Variants in SMIM12 observed in about 807,000 individuals in gnomAD.
SMIM12 encodes the protein small integral membrane protein 12, also known as UPF0767 protein C1orf212.
A neutral mutation model predicts 6.3 loss-of-function variants in SMIM12; 5 were observed. That is an observed-to-expected ratio of 0.80 (90% CI 0.42 to 1.68). The LOEUF is 1.68. SMIM12 is among the 40% of genes most tolerant of loss of function. SMIM12 has a pLI of 0.02. For synonymous variants in SMIM12, 51 were observed against 48.0 expected (o/e 1.06, Z -0.26); for missense variants, 103 against 121.4 (o/e 0.85, Z 0.71).
chr1:34,855,785 C>T lies in SMIM12; in HGVS notation c.193G>A (p.Asp65Asn), dbSNP rs768043140. ...DRKLDELLGK[D>N]HTQVVSLKDK... ...TTAAGGCTCACCACCTGCGTGTGGT[C>T]CTTGCCTAGAAGCTCATCCAGCTTG... Residue 65 changes from aspartate (D) to asparagine (N), a missense_variant, in exon 2 of 2, where the codon GAC (aspartate) becomes AAC (asparagine). Transcript: ENST00000521580. 1.3e-6 allele frequency: 2 copies of T among 1,561,324 alleles called. No individual in the cohort carries two copies. Among genetic ancestry groups the T allele is most frequent in the Non-Finnish European group, 8.7e-7 (1 of 1,152,196 alleles).
Position 34,855,919 on chromosome 1 carries a change from A to G in SMIM12, c.59T>C (p.Val20Ala). 1.3e-6 allele frequency: 2 copies of G among 1,551,656 alleles called. No homozygotes were observed. Among genetic ancestry groups the G allele is most frequent in the Non-Finnish European group, 1.7e-6 (2 of 1,146,996 alleles). The change falls in exon 2 of 2, where the codon GTT becomes GCT. Residue 20 changes from valine to alanine, a missense_variant. Transcript: ENST00000521580. ...ACCCACAGCCCCGACCACGAAGGCA[A>G]CAGGGAATGTGACATAAGGAGCATA... ...RTYAPYVTFPVAFVVGAVGYH... is the reference protein window; with the variant it reads ...RTYAPYVTFPAAFVVGAVGYH...
Position 34,850,869 on chromosome 1 carries a change from G to A in SMIM12, c.*4830C>T, listed in dbSNP as rs1640914988. ...TCCCTCTGACTTTGCAGACTGCACT[G>A]ATGGAACTACCACTAAGGCAGGTGT... is the stretch of plus-strand genomic sequence containing the variant. On this transcript the variant is annotated 3_prime_UTR_variant, in exon 2 of 2. Coordinates refer to ENST00000521580, the MANE Select transcript of SMIM12 (RefSeq NM_138428.6). 6.6e-6 allele frequency: 1 copy of A among 152,242 alleles called. No homozygotes were observed. The highest frequency in any genetic ancestry group is 2.1e-4 in the South Asian group (1 of 4,832). The allele number at this position is 152,242 out of a possible 1,614,324, so 9.4% of individuals were successfully genotyped here.
Position 34,855,060 on chromosome 1 carries a change from C to A in SMIM12, c.*639G>T. 1 of 1,274,640 alleles carries A rather than the reference C, an allele frequency of 7.8e-7. No homozygotes were observed. The allele number at this position is 1,274,640 out of a possible 1,614,324, so 79.0% of individuals were successfully genotyped here. ...ATTCGATCATTATGGTTCTCAGATA[C>A]CACTTTAATCAGGTTTTTCACTATA... On this transcript the variant is annotated 3_prime_UTR_variant, in exon 2 of 2. Coordinates refer to ENST00000521580, the MANE Select transcript of SMIM12 (RefSeq NM_138428.6).
chr1:34,851,721 G>A lies in SMIM12; in HGVS notation c.*3978C>T, dbSNP rs1161482206. Among the ~76,000 whole-genome samples, 2 of 152,146 alleles carry A rather than the reference G, an allele frequency of 1.3e-5. No homozygotes were observed. Among genetic ancestry groups the A allele is most frequent in the African/African-American group, 2.4e-5 (1 of 41,430 alleles). ...GTGGAAAAGCACCAGACACTGAACC[G>A]CTGCAGGGAGAGAAGTGATTCCTGC... is the stretch of plus-strand genomic sequence containing the variant. On this transcript the variant is annotated 3_prime_UTR_variant, in exon 2 of 2. Coordinates refer to ENST00000521580, the MANE Select transcript of SMIM12 (RefSeq NM_138428.6).
rs1448204304 is a variant in SMIM12 at position 34,852,424 on chromosome 1, A to G, written c.*3275T>C. 7.4e-6 allele frequency among the ~76,000 whole-genome samples: 1 copy of G among 135,464 alleles called. No homozygotes were observed. Among genetic ancestry groups the G allele is most frequent in the East Asian group, 2.4e-4 (1 of 4,094 alleles). The allele number at this position is 135,464 out of a possible 152,430, so 88.9% of individuals were successfully genotyped here. On this transcript the variant is annotated 3_prime_UTR_variant, in exon 2 of 2. Transcript: ENST00000521580. ...CCCAAAAGTGTTTTGAGGGAAACCA[A>G]TTCTGGGATCTAATATTTGTAACAA...
chr1:34,855,835 C>T lies in SMIM12; in HGVS notation c.143G>A (p.Ser48Asn). ...GCGATCCTCCCGGCGCTCTGAGATG[C>T]TCTTTTCCTCCTCCACGGGCTGGGG... ...KDPQPVEEEK[S>N]ISERREDRKL... The change falls in exon 2 of 2, where the codon AGC becomes AAC. Residue 48 changes from serine to asparagine, a missense_variant. Physicochemically the swap from Ser to Asn is conservative, Grantham distance 46. Coordinates refer to ENST00000521580, the MANE Select transcript of SMIM12 (RefSeq NM_138428.6). 6.4e-7 allele frequency: 1 copy of T among 1,551,950 alleles called. No homozygotes were observed. The highest frequency in any genetic ancestry group is 8.7e-7 in the Non-Finnish European group (1 of 1,147,088).
At chr1:34,856,377 T>G (rs1275427738) in intron 1 of SMIM12, among the ~76,000 whole-genome samples, 2 of 152,206 alleles carry the variant, frequency 1.3e-5, no homozygotes, top group Non-Finnish European at 2.9e-5. Flanking sequence ...CACAATTTAC[T>G]GAGCACCCAC....
Position 34,851,894 on chromosome 1 carries a change from T to C in SMIM12, c.*3805A>G, listed in dbSNP as rs1056395279. Among the ~76,000 whole-genome samples, 16 of 152,184 alleles carry C rather than the reference T, an allele frequency of 1.1e-4. No individual in the cohort carries two copies. Among genetic ancestry groups the C allele is most frequent in the African/African-American group, 3.9e-4 (16 of 41,506 alleles). ...ACTGGAAGGCCAGTCAAAAAGAGGG[T>C]CACATGCCTCCAAGGTGAATCAGCA... is the stretch of plus-strand genomic sequence containing the variant. On this transcript the variant is annotated 3_prime_UTR_variant, in exon 2 of 2. Transcript: ENST00000521580.
intron 1 of SMIM12, 40 bp from the exon 2 acceptor site, chr1:34,856,022 C>A: frequency 6.7e-7 from 1 of 1,500,906 alleles, no homozygotes; most frequent in Non-Finnish European, 8.9e-7. Flanking sequence ...AACCCAGCAT[C>A]ATCTCCCACC....
At position 34,852,463 on chromosome 1, in the gene SMIM12, C is replaced by CA. The variant is rs34535449; in HGVS notation, c.*3235dup. 0.16 allele frequency among the ~76,000 whole-genome samples: 12,963 copies of CA among 81,492 alleles called. 1,101 individuals carry two copies. Among genetic ancestry groups the CA allele is most frequent in the South Asian group, 0.2 (341 of 1,694 alleles). 53.5% of individuals were successfully genotyped at this position (81,492 alleles called of 152,430 possible). A position where few individuals can be genotyped will look rare whatever the true frequency, so the allele number is the denominator to read the frequency against. The stretch of plus-strand genomic sequence containing the variant: ...TATTTGTAACAAGTTGTTAGATCGC[C>CA]AAAAAAAAAAAAAAAAAAAAAACCA... On this transcript the variant is annotated 3_prime_UTR_variant, in exon 2 of 2. Coordinates refer to ENST00000521580, the MANE Select transcript of SMIM12 (RefSeq NM_138428.6).
Position 34,855,816 on chromosome 1 carries a change from C to T in SMIM12, c.162G>A (p.Glu54=), listed in dbSNP as rs1298657612. 1.3e-6 allele frequency: 2 copies of T among 1,552,662 alleles called. No individual in the cohort carries two copies. Among genetic ancestry groups the T allele is most frequent in the East Asian group, 4.9e-5 (2 of 40,948 alleles). ...CTAGAAGCTCATCCAGCTTGCGATC[C>T]TCCCGGCGCTCTGAGATGCTCTTTT... The part of the protein sequence containing the change: ...EEEKSISERR[E]DRKLDELLGK... The change falls in exon 2 of 2, where the codon GAG becomes GAA. Residue 54 remains glutamate, a synonymous_variant. Coordinates refer to ENST00000521580, the MANE Select transcript of SMIM12 (RefSeq NM_138428.6).
rs1638494455 is a variant in SMIM12 at position 34,852,699 on chromosome 1, T to C, written c.*3000A>G. 1 of 151,862 alleles carries C rather than the reference T, an allele frequency of 6.6e-6. No individual in the cohort carries two copies. The highest frequency in any genetic ancestry group is 1.5e-5 in the Non-Finnish European group (1 of 67,970). 9.4% of individuals were successfully genotyped at this position (151,862 alleles called of 1,614,324 possible). ...TTTTTTTTACCCCCTCTGGAGCTCT[T>C]AGAACATCTTTTAGAAAAATTCAAA... On this transcript the variant is annotated 3_prime_UTR_variant, in exon 2 of 2. Transcript: ENST00000521580.
In SMIM12 at chr1:34,852,255, G is replaced by A. The variant is rs57939493; in HGVS notation, c.*3444C>T. ...TAGGGCTCTCTCGACCAGACACCAAGTGGAGGCCAACGGGTGGTGACAGGG... is the reference window on the plus strand; with the variant it reads ...TAGGGCTCTCTCGACCAGACACCAAATGGAGGCCAACGGGTGGTGACAGGG... On this transcript the variant is annotated 3_prime_UTR_variant, in exon 2 of 2. Coordinates refer to ENST00000521580, the MANE Select transcript of SMIM12 (RefSeq NM_138428.6). 0.11 allele frequency among the ~76,000 whole-genome samples: 16,924 copies of A among 152,160 alleles called. 1,038 individuals are homozygous for A. Among genetic ancestry groups the A allele is most frequent in the African/African-American group, 0.14 (5,993 of 41,504 alleles).
At position 34,855,453 on chromosome 1, in the gene SMIM12, T is replaced by G; in HGVS notation, c.*246A>C. On this transcript the variant is annotated 3_prime_UTR_variant, in exon 2 of 2. Transcript: ENST00000521580. ...AACTCTCCTCCCAGCAGTGCACCAG[T>G]AAACTCAGATGCCTGAGTGCTTGTG... is the stretch of plus-strand genomic sequence containing the variant. 6.3e-7 allele frequency: 1 copy of G among 1,584,894 alleles called. No homozygotes were observed. Among genetic ancestry groups the G allele is most frequent in the Non-Finnish European group, 8.6e-7 (1 of 1,161,500 alleles).
chr1:34,855,474 T>G lies in SMIM12; in HGVS notation c.*225A>C, dbSNP rs1018354824. On this transcript the variant is annotated 3_prime_UTR_variant, in exon 2 of 2. Coordinates refer to ENST00000521580, the MANE Select transcript of SMIM12 (RefSeq NM_138428.6). ...CCAGTAAACTCAGATGCCTGAGTGC[T>G]TGTGGCCACCACACAACAGATGCGG... is the stretch of plus-strand genomic sequence containing the variant. 1 of 1,598,734 alleles carries G rather than the reference T, an allele frequency of 6.3e-7. No homozygotes were observed. Among genetic ancestry groups the G allele is most frequent in the African/African-American group, 1.3e-5 (1 of 74,670 alleles).
At position 34,852,213 on chromosome 1, in the gene SMIM12, A is replaced by AT. The variant is rs1640950465; in HGVS notation, c.*3485_*3486insA. 6.6e-6 allele frequency among the ~76,000 whole-genome samples: 1 copy of AT among 152,194 alleles called. No individual in the cohort carries two copies. On this transcript the variant is annotated 3_prime_UTR_variant, in exon 2 of 2. Coordinates refer to ENST00000521580, the MANE Select transcript of SMIM12 (RefSeq NM_138428.6). ...AAAGTGAGACTGGAAGAAGGGAGCC[A>AT]CCTGGATTCCCAAAGATAGGGCTCT...
At position 34,851,739 on chromosome 1, in the gene SMIM12, A is replaced by T. The variant is rs1388548671; in HGVS notation, c.*3960T>A. On this transcript the variant is annotated 3_prime_UTR_variant, in exon 2 of 2. Coordinates refer to ENST00000521580, the MANE Select transcript of SMIM12 (RefSeq NM_138428.6). ...CTGAACCGCTGCAGGGAGAGAAGTG[A>T]TTCCTGCCGTGCTCGGAGAGGACCC... is the stretch of plus-strand genomic sequence containing the variant. Among the ~76,000 whole-genome samples the T allele has an allele frequency of 3.3e-5, 5 of 152,320 alleles. No homozygotes were observed. The highest frequency in any genetic ancestry group is 2.1e-4 in the South Asian group (1 of 4,826).
chr1:34,858,371 T>C (rs1342553490), intron 1 of SMIM12: 3 of 152,246 alleles, frequency 2.0e-5, no homozygotes, highest in African/African-American at 7.2e-5. Flanking sequence ...ACACTCTTTC[T>C]AGTGGGAAGA....
At position 34,853,580 on chromosome 1, in the gene SMIM12, A is replaced by G. The variant is rs1424371155; in HGVS notation, c.*2119T>C. On this transcript the variant is annotated 3_prime_UTR_variant, in exon 2 of 2. Transcript: ENST00000521580. ...AAGCTTCATATAAGATATTCGTTGC[A>G]GTATCTAAACGAGTGACCAACCAGA... The G allele has an allele frequency of 6.6e-6, 1 of 152,272 alleles. No homozygotes were observed. The highest frequency in any genetic ancestry group is 1.5e-5 in the Non-Finnish European group (1 of 68,048). The allele number at this position is 152,272 out of a possible 1,614,324, so 9.4% of individuals were successfully genotyped here.
Sources: gnomAD v4.1 joint callset for allele counts (sites outside exome capture counted in the v4.1 genomes callset) on GRCh38, gnomAD v4.1.1 for gene constraint, MANE v1.5 for transcripts, NCBI Gene and HGNC (gene_info 2026-07-23, HGNC 2026-07-21) for gene names.